Variants in BCAS3 observed in about 807,000 individuals in gnomAD.
BCAS3 encodes BCAS3 microtubule associated cell migration factor.
In BCAS3, 53 loss-of-function variants were observed where a neutral mutation model predicts 116.1. The ratio of observed to expected loss-of-function variants is 0.46; its 90% CI spans 0.37 to 0.57. The LOEUF (loss-of-function observed/expected upper bound fraction) is 0.57. Ranked by LOEUF, BCAS3 falls within the 20% of genes least tolerant of loss-of-function variation. The pLI, the probability that BCAS3 is intolerant of heterozygous loss-of-function variation, is 0.00. For missense variants in BCAS3, 917 were observed against 1,165.4 expected (o/e 0.79, Z 3.10); for synonymous variants, 391 against 408.2 (o/e 0.96, Z 0.51).
At position 61,082,547 on chromosome 17, in the gene BCAS3, C is replaced by G. The variant is rs894428085; in HGVS notation, c.2328-1920C>G. Reference sequence around the variant, plus strand: ...AGAAACCCCAATATAAATTGACTAACTATAGGAGTTGTATTAGCCCACATA... The same window carrying G: ...AGAAACCCCAATATAAATTGACTAAGTATAGGAGTTGTATTAGCCCACATA... On this transcript the variant is annotated intron_variant, in intron 21 of 23. Transcript: ENST00000407086. The surrounding 1 kb of genome is among the most constrained non-coding windows in gnomAD (Gnocchi z 5.1). 6.6e-6 allele frequency among the ~76,000 whole-genome samples: 1 copy of G among 152,186 alleles called. No homozygotes were observed. Among genetic ancestry groups the G allele is most frequent in the Non-Finnish European group, 1.5e-5 (1 of 68,042 alleles).
chr17:60,958,871 A>C (rs984815471), intron 14 of BCAS3, among the ~76,000 whole-genome samples: 4 of 152,232 alleles, frequency 2.6e-5, no homozygotes, highest in African/African-American at 9.6e-5. Context: ...AAAGGTGCAA[A>C]GATACAAAGT....
chr17:60,726,510 A>T (rs1215396820), intron 5 of BCAS3, among the ~76,000 whole-genome samples: 4 of 129,646 alleles, frequency 3.1e-5, no homozygotes, highest in African/African-American at 1.1e-4. Flanking sequence ...AGAGGGAGGA[A>T]TTTTTTTTTT....
intron 13 of BCAS3, among the ~76,000 whole-genome samples, chr17:60,941,174 C>T (rs1372635296): frequency 6.6e-6 from 1 of 152,176 alleles, no homozygotes; most frequent in African/African-American, 2.4e-5. Flanking sequence ...ACAGAAGTGC[C>T]TAAACAGCTA....
At chr17:60,750,719 C>T (rs957088155) in intron 6 of BCAS3, among the ~76,000 whole-genome samples, 1 of 152,186 alleles carries the variant, frequency 6.6e-6, no homozygotes, top group Non-Finnish European at 1.5e-5. Flanking sequence ...CCTCACTAGT[C>T]ATCACAACAA....
intron 12 of BCAS3, among the ~76,000 whole-genome samples, chr17:60,920,602 G>T (rs1404492725): frequency 6.6e-6 from 1 of 152,170 alleles, no homozygotes; most frequent in Non-Finnish European, 1.5e-5. Context: ...TGGGCCTGGT[G>T]GCTCATGCCT....
At position 61,105,043 on chromosome 17, in the gene BCAS3, G is replaced by A. The variant is rs1023023626; in HGVS notation, c.2425+20479G>A. Among the ~76,000 whole-genome samples, 1 of 152,146 alleles carries A rather than the reference G, an allele frequency of 6.6e-6. No individual in the cohort carries two copies. Among genetic ancestry groups the A allele is most frequent in the Non-Finnish European group, 1.5e-5 (1 of 68,016 alleles). On this transcript the variant is annotated intron_variant, in intron 22 of 23. Coordinates refer to ENST00000407086, the MANE Select transcript of BCAS3 (RefSeq NM_017679.5). This position sits in a 1 kb window ranked among gnomAD's most constrained non-coding sequence, Gnocchi z 4.3. ...TCCGTGGGTTTCCTCACTGCTGTTG[G>A]CTCAGCTGTGGCTTTTTATGGAACC... is the stretch of plus-strand genomic sequence containing the variant.
intron 22 of BCAS3, among the ~76,000 whole-genome samples, chr17:61,252,121 T>G (rs182121236): frequency 4.6e-5 from 7 of 152,306 alleles, no homozygotes; most frequent in East Asian, 3.9e-4. Flanking sequence ...CTATAAAACA[T>G]TTTCTTTTCA....
intron 7 of BCAS3, among the ~76,000 whole-genome samples, chr17:60,866,444 C>G (rs1042622519): frequency 6.6e-6 from 1 of 152,008 alleles, no homozygotes; most frequent in South Asian, 2.1e-4. Context: ...CTAATATTTT[C>G]TTAATGAGTT....
At chr17:60,763,425 A>G (rs551894509) in intron 6 of BCAS3, among the ~76,000 whole-genome samples, 22 of 152,292 alleles carry the variant, frequency 1.4e-4, no homozygotes, top group African/African-American at 5.3e-4. Context: ...AATTTTGTCG[A>G]AGGCCTTTTC....
rs1483341194 is a variant in BCAS3, at chr17:61,251,682, T to G, written c.2426-116645T>G. Among the ~76,000 whole-genome samples the G allele has an allele frequency of 3.3e-5, 5 of 152,108 alleles. No individual in the cohort carries two copies. The highest frequency in any genetic ancestry group is 4.4e-5 in the Non-Finnish European group (3 of 68,032). Reference sequence around the variant, plus strand: ...GGTCTCTTGGGACAAGGCTGTACAGTTGAGAAAAGTAGCAAGAACATCAGA... The same window carrying G: ...GGTCTCTTGGGACAAGGCTGTACAGGTGAGAAAAGTAGCAAGAACATCAGA... On this transcript the variant is annotated intron_variant, in intron 22 of 23. Transcript: ENST00000407086. This position sits in a 1 kb window ranked among gnomAD's most constrained non-coding sequence, Gnocchi z 4.7.
intron 7 of BCAS3, among the ~76,000 whole-genome samples, chr17:60,833,756 T>A (rs1477008556): frequency 6.6e-6 from 1 of 152,236 alleles, no homozygotes; most frequent in Non-Finnish European, 1.5e-5. Flanking sequence ...CTTTCAAAAC[T>A]GTAATTATCC....
intron 7 of BCAS3, among the ~76,000 whole-genome samples, chr17:60,850,415 A>G (rs550966931): frequency 7.7e-6 from 1 of 129,400 alleles, no homozygotes; most frequent in East Asian, 2.2e-4. Flanking sequence ...TTGGAGTGCA[A>G]TGGCGTGATC....
intron 22 of BCAS3, among the ~76,000 whole-genome samples, chr17:61,272,531 C>CGGGAGGCTGAGGT (rs2050372968): frequency 7.1e-6 from 1 of 141,472 alleles, no homozygotes. Flanking sequence ...CTCAGCTACT[C>CGGGAGGCTGAGGT]GGGAGGCTGA....
chr17:61,254,770 C>A, intron 22 of BCAS3, among the ~76,000 whole-genome samples: 1 of 108 alleles, frequency 9.3e-3, no homozygotes, highest in Non-Finnish European at 0.033. Flanking sequence ...AGTGAGACTC[C>A]GTCTCAGAAA....
At chr17:60,698,144 G>A (rs939522344) in intron 4 of BCAS3, among the ~76,000 whole-genome samples, 2 of 141,164 alleles carry the variant, frequency 1.4e-5, no homozygotes, top group African/African-American at 5.4e-5. Flanking sequence ...AGATTGCACC[G>A]CTGCACTGGC....
intron 10 of BCAS3, among the ~76,000 whole-genome samples, chr17:60,897,513 T>G (rs1277875639): frequency 6.6e-6 from 1 of 152,218 alleles, no homozygotes; most frequent in Non-Finnish European, 1.5e-5. Context: ...AAATTTTTTC[T>G]TTCTCTCTTC....
At chr17:60,973,682 TCC>T (rs2062116632) in intron 14 of BCAS3, among the ~76,000 whole-genome samples, 2 of 151,210 alleles carry the variant, frequency 1.3e-5, no homozygotes, top group Non-Finnish European at 2.9e-5. Flanking sequence ...AACCTCCACC[TCC>T]CAGGTTCAAG....
chr17:61,180,379 G>A lies in BCAS3; in HGVS notation c.2425+95815G>A, dbSNP rs568510568. Among the ~76,000 whole-genome samples, 146 of 152,336 alleles carry A rather than the reference G, an allele frequency of 9.6e-4. No individual in the cohort carries two copies. The highest frequency in any genetic ancestry group is 3.2e-3 in the African/African-American group (134 of 41,580). Reference sequence around the variant, plus strand: ...AGAGATTAAACTATTCAGCCAACAAGCTGTAATAAATAAACTCTAAGCCAA... The same window carrying A: ...AGAGATTAAACTATTCAGCCAACAAACTGTAATAAATAAACTCTAAGCCAA... On this transcript the variant is annotated intron_variant, in intron 22 of 23. Coordinates refer to ENST00000407086, the MANE Select transcript of BCAS3 (RefSeq NM_017679.5). This position sits in a 1 kb window ranked among gnomAD's most constrained non-coding sequence, Gnocchi z 6.0.
chr17:61,086,086 A>G (rs1736183722), intron 22 of BCAS3, among the ~76,000 whole-genome samples: 1 of 151,794 alleles, frequency 6.6e-6, no homozygotes, highest in South Asian at 2.1e-4. Flanking sequence ...CCATATATAT[A>G]TATTTATTTT....
Sources: gnomAD v4.1 joint callset for allele counts (sites outside exome capture counted in the v4.1 genomes callset) on GRCh38, gnomAD v4.1.1 for gene constraint, Gnocchi (gnomAD v3.1) non-coding constraint, MANE v1.5 for transcripts, NCBI Gene and HGNC (gene_info 2026-07-23, HGNC 2026-07-21) for gene names.